Variants in LAMP3 observed in about 807,000 individuals in gnomAD.
LAMP3 encodes lysosome associated membrane protein 3, also known as lysosome-associated membrane glycoprotein 3.
In LAMP3, 26 loss-of-function variants were observed where a neutral mutation model predicts 34.8. The observed-to-expected ratio is 0.75, with a 90% CI of 0.55 to 1.04. The LOEUF (loss-of-function observed/expected upper bound fraction) is 1.04. LAMP3 is among the 50% of genes least tolerant of loss of function. The pLI is 0.00. For synonymous variants in LAMP3, 180 were observed against 201.9 expected (o/e 0.89, Z 0.92); for missense variants, 495 against 524.0 (o/e 0.94, Z 0.54).
intron 5 of LAMP3, among the ~76,000 whole-genome samples, chr3:183,130,822 G>C (rs1316498309): frequency 6.6e-6 from 1 of 152,092 alleles, no homozygotes; most frequent in Non-Finnish European, 1.5e-5. Context: ...GGAAAACGAA[G>C]AAAATAAAGC....
intron 5 of LAMP3, among the ~76,000 whole-genome samples, chr3:183,130,261 C>T (rs555809094): frequency 6.6e-6 from 1 of 151,174 alleles, no homozygotes; most frequent in South Asian, 2.1e-4. Context: ...CGGGTTGACG[C>T]CATTCTCCTG....
chr3:183,142,524 G>A (rs899263801), intron 3 of LAMP3, among the ~76,000 whole-genome samples: 1 of 152,026 alleles, frequency 6.6e-6, no homozygotes, highest in African/African-American at 2.4e-5. Context: ...CAACGACCCC[G>A]AGACAGAATC....
At chr3:183,135,686 A>T (rs1471502682) in intron 5 of LAMP3, 31 bp downstream of exon 5, 2 of 1,606,098 alleles carry the variant, frequency 1.2e-6, no homozygotes, top group Non-Finnish European at 1.7e-6. Context: ...TCTAAAGTGT[A>T]TGTTTGCAAC....
chr3:183,153,954 T>C lies in LAMP3; in HGVS notation c.487A>G (p.Ser163Gly), dbSNP rs780437358. The C allele has an allele frequency of 2.5e-6, 4 of 1,614,212 alleles. No individual in the cohort carries two copies. The East Asian group carries it at 6.7e-5, about 27-fold the overall frequency. Reference sequence around the variant, plus strand: ...GTTGCTGGAAGGGTGGTCTGGTTACTGGGTTGAGTGGTGTTCCCAGTTGTG... The same window carrying C: ...GTTGCTGGAAGGGTGGTCTGGTTACCGGGTTGAGTGGTGTTCCCAGTTGTG... ...SHTTGNTTQPSNQTTLPATLS... is the reference protein window; with the variant it reads ...SHTTGNTTQPGNQTTLPATLS... The change falls in exon 2 of 6, where the codon AGT (serine) becomes GGT (glycine). Residue 163 changes from serine to glycine, a missense_variant. By Grantham distance (56) the Ser-to-Gly change is moderately conservative. Coordinates refer to ENST00000265598, the MANE Select transcript of LAMP3 (RefSeq NM_014398.4).
chr3:183,161,860 G>T, intron 1 of LAMP3: 1 of 535,114 alleles, frequency 1.9e-6, no homozygotes, highest in Non-Finnish European at 2.4e-6. Context: ...AACTGTAAGT[G>T]TGAAAGTGTG....
Position 183,152,377 on chromosome 3 carries a change from T to G in LAMP3, c.886A>C (p.Lys296Gln). The change falls in exon 3 of 6, where the codon AAG (lysine) becomes CAG (glutamine). Residue 296 changes from lysine to glutamine, a missense_variant and splice_region_variant. Coordinates refer to ENST00000265598, the MANE Select transcript of LAMP3 (RefSeq NM_014398.4). ...GTGCAAAGGAGCTCAGGCCTCACCT[T>G]GGTAAATGTGAGATTCACAAATCCG... ...QGGFVNLTFTKDEESYYISEV... is the reference protein window; with the variant it reads ...QGGFVNLTFTQDEESYYISEV... 6.2e-7 allele frequency: 1 copy of G among 1,608,624 alleles called. No homozygotes were observed.
At chr3:183,157,896 G>T (rs924040539) in intron 1 of LAMP3, among the ~76,000 whole-genome samples, 9 of 152,138 alleles carry the variant, frequency 5.9e-5, no homozygotes, top group Admixed American at 5.2e-4. Context: ...CCCGGTCAAG[G>T]TGTGCTTCCT....
In LAMP3 at chr3:183,146,614, G is replaced by A. The variant is rs558643899; in HGVS notation, c.888+5761C>T. Among the ~76,000 whole-genome samples the A allele has an allele frequency of 3.4e-5, 5 of 146,316 alleles. No homozygotes were observed. The East Asian group carries it at 6.2e-4, about 18-fold the overall frequency. Reference sequence around the variant, plus strand: ...ACAATCTCGGCTCACTGCAACTTCCGTCTCCTGGGTTCAAGCGATTCTCCT... The same window carrying A: ...ACAATCTCGGCTCACTGCAACTTCCATCTCCTGGGTTCAAGCGATTCTCCT... On this transcript the variant is annotated intron_variant, in intron 3 of 5. Coordinates refer to ENST00000265598, the MANE Select transcript of LAMP3 (RefSeq NM_014398.4).
chr3:183,141,596 T>A (rs1339400880), intron 3 of LAMP3, among the ~76,000 whole-genome samples: 1 of 152,236 alleles, frequency 6.6e-6, no homozygotes, highest in Non-Finnish European at 1.5e-5. Flanking sequence ...TTAGAGAAAC[T>A]TAACAATACT....
chr3:183,150,994 C>T (rs867340115), intron 3 of LAMP3, among the ~76,000 whole-genome samples: 21 of 152,210 alleles, frequency 1.4e-4, no homozygotes, highest in Admixed American at 3.3e-4. Context: ...ACTTCTCAAG[C>T]GCAACTCTAC....
intron 5 of LAMP3, among the ~76,000 whole-genome samples, chr3:183,125,556 T>A (rs1188994274): frequency 1.3e-5 from 2 of 152,220 alleles, no homozygotes; most frequent in African/African-American, 4.8e-5. Flanking sequence ...TAGCAGGAAG[T>A]CTAAAATGGA....
intron 4 of LAMP3, among the ~76,000 whole-genome samples, chr3:183,137,258 G>A (rs1008977966): frequency 6.6e-6 from 1 of 152,146 alleles, no homozygotes; most frequent in African/African-American, 2.4e-5. Flanking sequence ...GGTGGAGGTT[G>A]CAGTAAGGTG....
chr3:183,152,317 A>G, intron 3 of LAMP3, 58 bp downstream of exon 3: 2 of 1,519,544 alleles, frequency 1.3e-6, no homozygotes, highest in South Asian at 1.3e-5. Context: ...TGGCCCCAGG[A>G]TGAGGGAGAG....
intron 4 of LAMP3, among the ~76,000 whole-genome samples, chr3:183,138,555 A>G (rs1720170550): frequency 6.6e-6 from 1 of 152,218 alleles, no homozygotes; most frequent in Non-Finnish European, 1.5e-5. Flanking sequence ...CCAGGGAAAC[A>G]TTTGAGGCCT....
intron 3 of LAMP3, among the ~76,000 whole-genome samples, chr3:183,145,376 C>T (rs752062730): frequency 1.7e-4 from 26 of 152,184 alleles, no homozygotes; most frequent in Non-Finnish European, 3.4e-4. Flanking sequence ...ACTCTCATGG[C>T]AGCCCAGCAA....
rs941617261 is a variant in LAMP3, at chr3:183,154,292, T to A, written c.149A>T (p.Lys50Ile). ...TAAATVQDIK[K>I]PVQQPAKQAP... is the part of the protein sequence containing the mutation. ...TTGCTTAGCTGGTTGCTGGACAGGT[T>A]TTTTTATGTCCTGTACTGTTGCTGC... The change falls in exon 2 of 6, where the codon AAA becomes ATA. Residue 50 changes from lysine to isoleucine, a missense_variant. By Grantham distance (102) the Lys-to-Ile change is moderately radical. Coordinates refer to ENST00000265598, the MANE Select transcript of LAMP3 (RefSeq NM_014398.4). 10 of 1,613,980 alleles carry A rather than the reference T, an allele frequency of 6.2e-6. No individual in the cohort carries two copies. The highest frequency in any genetic ancestry group is 8.5e-6 in the Non-Finnish European group (10 of 1,180,002).
At chr3:183,153,032 G>T (rs960128373) in intron 2 of LAMP3, among the ~76,000 whole-genome samples, 2 of 151,984 alleles carry the variant, frequency 1.3e-5, no homozygotes, top group African/African-American at 4.8e-5. Flanking sequence ...AAAATTAGCC[G>T]GGTGTGATGG....
Position 183,124,291 on chromosome 3 carries a change from A to T in LAMP3, c.1118-77T>A, listed in dbSNP as rs1482482057. 10 of 1,310,194 alleles carry T rather than the reference A, an allele frequency of 7.6e-6. No homozygotes were observed. The East Asian group carries it at 2.7e-4, about 36-fold the overall frequency. The allele number at this position is 1,310,194 out of a possible 1,614,324, so 81.2% of individuals were successfully genotyped here. On this transcript the variant is annotated intron_variant, in intron 5 of 5. Transcript: ENST00000265598. ...CAGAAAGCAGGCTAGAGGGGAAAGA[A>T]GATGAGCTTTGGCATCAAACAAAGC...
chr3:183,144,740 G>GA (rs552743017), intron 3 of LAMP3, among the ~76,000 whole-genome samples: 108 of 152,162 alleles, frequency 7.1e-4, no homozygotes, highest in African/African-American at 2.4e-3. Context: ...CCTGTCTCTA[G>GA]AAAAAAATAC....
Sources: allele counts gnomAD v4.1 joint callset (sites outside exome capture counted in the v4.1 genomes callset), GRCh38; gene constraint gnomAD v4.1.1; transcripts MANE v1.5; gene names NCBI Gene and HGNC (gene_info 2026-07-23, HGNC 2026-07-21).